The following MFAP5 variants were observed in gnomAD, a reference collection of about 807,000 sequenced individuals.
MFAP5 encodes the protein microfibril associated protein 5, also known as microfibrillar-associated protein 5.
A neutral mutation model predicts 30.1 loss-of-function variants in MFAP5; 19 were observed. The observed-to-expected ratio is 0.63, with a 90% confidence interval of 0.44 to 0.93. MFAP5 has a LOEUF of 0.93. MFAP5 is among the 40% of genes least tolerant of loss of function. MFAP5 has a pLI of 0.00. For missense variants in MFAP5, 210 were observed against 221.3 expected, an observed-to-expected ratio of 0.95 and a Z score of 0.32; for synonymous variants, 92 against 72.9, an observed-to-expected ratio of 1.26 and a Z score of -1.33.
At position 8,648,168 on chromosome 12, in the gene MFAP5, TA is replaced by T. The variant is rs756582294; in HGVS notation, c.444del (p.Arg149GlyfsTer28). 27 of 1,613,754 alleles carry T rather than the reference TA, an allele frequency of 1.7e-5. No individual in the cohort carries two copies. In the African/African-American group the frequency reaches 2.1e-4, roughly 13 times the overall value. Reference sequence around the variant, plus strand: ...AAGTAATTGGAGCGACGGAGTCTCCTAGGGGGCAGACCAGCCATCTGACGGC... The same window carrying T: ...AAGTAATTGGAGCGACGGAGTCTCCTGGGGGCAGACCAGCCATCTGACGGC... ...ELCRQMAGLPPRRLRRSNYFR... is the reference protein window; with the variant it reads ...ELCRQMAGLPXRRLRRSNYFR... On this transcript the variant is annotated frameshift_variant, in exon 10 of 10. Coordinates refer to ENST00000359478, the MANE Select transcript of MFAP5 (RefSeq NM_003480.4). LOFTEE classifies it high-confidence loss of function.
In MFAP5 at chr12:8,650,606, C is replaced by CA. The variant is rs3841565; in HGVS notation, c.248-18dup. ...CCCAGCACTCTGAGGAAGCCCAATA[C>CA]AAAAAAATAAGGAGGTCCAAATAGA... On this transcript the variant is annotated splice_polypyrimidine_tract_variant and intron_variant, in intron 7 of 9. Coordinates refer to ENST00000359478, the MANE Select transcript of MFAP5 (RefSeq NM_003480.4). 60 of 1,606,472 alleles carry CA rather than the reference C, an allele frequency of 3.7e-5. No individual in the cohort carries two copies. The highest frequency in any genetic ancestry group is 4.9e-5 in the Non-Finnish European group (58 of 1,174,804).
rs774166178 is a variant in MFAP5 at position 8,656,262 on chromosome 12, G to GTGTTAGCCAGGA, written c.95-433_95-432insTCCTGGCTAACA. Reference sequence around the variant, plus strand: ...TTTTTAGTAGAGACGGGGTTTCACCGTGGTCTCGATCTCCTGACCTCGTGA... The same window carrying GTGTTAGCCAGGA: ...TTTTTAGTAGAGACGGGGTTTCACCGTGTTAGCCAGGATGGTCTCGATCTCCTGACCTCGTGA... On this transcript the variant is annotated intron_variant, in intron 3 of 9. Transcript: ENST00000359478. Among the ~76,000 whole-genome samples the GTGTTAGCCAGGA allele has an allele frequency of 1.3e-3, 200 of 151,256 alleles. 1 individual carries two copies. The highest frequency in any genetic ancestry group is 2.6e-3 in the Admixed American group (40 of 15,164).
chr12:8,648,455 A>T, intron 9 of MFAP5: 1 of 1,086,608 alleles, frequency 9.2e-7, no homozygotes, highest in Non-Finnish European at 1.2e-6. Flanking sequence ...TATATTTCTG[A>T]GTATTAAAAT....
intron 3 of MFAP5, 91 bp downstream of exon 3, chr12:8,660,772 G>C: frequency 2.1e-6 from 2 of 958,114 alleles, no homozygotes; most frequent in Admixed American, 2.5e-5. Context: ...TTTTGGCAGC[G>C]ATAGATAAGC....
Position 8,647,188 on chromosome 12 carries a change from A to T in MFAP5, c.*903T>A, listed in dbSNP as rs1356213470. The T allele has an allele frequency of 1.3e-5, 2 of 152,200 alleles. No individual in the cohort carries two copies. The highest frequency in any genetic ancestry group is 4.8e-5 in the African/African-American group (2 of 41,456). 9.4% of individuals were successfully genotyped at this position (152,200 alleles called of 1,614,324 possible). ...GATATCCAAAAGCCACTTGCACAAT[A>T]ATTCGACCGTGCACTTGTTAAGTTG... On this transcript the variant is annotated 3_prime_UTR_variant, in exon 10 of 10. Coordinates refer to ENST00000359478, the MANE Select transcript of MFAP5 (RefSeq NM_003480.4).
At chr12:8,653,749 C>A (rs1324044421) in intron 6 of MFAP5, among the ~76,000 whole-genome samples, 1 of 152,098 alleles carries the variant, frequency 6.6e-6, no homozygotes, top group African/African-American at 2.4e-5. Flanking sequence ...ATTTGTCTAT[C>A]TTGTATATTA....
rs1941714413 is a variant in MFAP5 at position 8,647,518 on chromosome 12, T to C, written c.*573A>G. 6.6e-6 allele frequency: 1 copy of C among 152,228 alleles called. No homozygotes were observed. The highest frequency in any genetic ancestry group is 2.4e-5 in the African/African-American group (1 of 41,454). 9.4% of individuals were successfully genotyped at this position (152,228 alleles called of 1,614,324 possible). On this transcript the variant is annotated 3_prime_UTR_variant, in exon 10 of 10. Coordinates refer to ENST00000359478, the MANE Select transcript of MFAP5 (RefSeq NM_003480.4). The stretch of plus-strand genomic sequence containing the variant: ...AGTAGGATTGTATAATTCTTGACTG[T>C]GTTGCAGAATCTTACAGGACTACAA...
Position 8,662,112 on chromosome 12 carries a change from G to A in MFAP5, c.-2-6C>T, listed in dbSNP as rs1402971933. On this transcript the variant is annotated splice_polypyrimidine_tract_variant and splice_region_variant and intron_variant, in intron 1 of 9. Transcript: ENST00000359478. ...GGGTCCCAAGAGCGACATATCTATA[G>A]GGGTGGTGGGCATAGCAGAGAATGT... is the stretch of plus-strand genomic sequence containing the variant. 2 of 1,612,844 alleles carry A rather than the reference G, an allele frequency of 1.2e-6. No homozygotes were observed. The highest frequency in any genetic ancestry group is 1.7e-6 in the Non-Finnish European group (2 of 1,179,722).
chr12:8,660,049 G>T (rs1403836164), intron 3 of MFAP5, among the ~76,000 whole-genome samples: 2 of 152,088 alleles, frequency 1.3e-5, no homozygotes, highest in East Asian at 3.8e-4. Flanking sequence ...TCCTCTAGGG[G>T]TCACAACTTT....
intron 3 of MFAP5, among the ~76,000 whole-genome samples, chr12:8,657,609 G>A (rs35701636): frequency 0.089 from 10,962 of 122,918 alleles, 472 homozygotes; most frequent in Middle Eastern, 0.12. Context: ...TCGCCCTATC[G>A]CCCAGGCTGG....
chr12:8,653,237 C>T (rs1161013012), intron 6 of MFAP5, among the ~76,000 whole-genome samples: 1 of 151,496 alleles, frequency 6.6e-6, no homozygotes, highest in African/African-American at 2.4e-5. Flanking sequence ...TGGATGTCAA[C>T]TCAACAATCC....
At chr12:8,655,917 G>C in intron 3 of MFAP5, 87 bp from the exon 4 acceptor site, 2 of 1,184,942 alleles carry the variant, frequency 1.7e-6, no homozygotes, top group Non-Finnish European at 2.5e-6. Context: ...GCGAAGCATA[G>C]TGCCCAGCGG....
In MFAP5 at chr12:8,649,513, C is replaced by T. The variant is rs866733609; in HGVS notation, c.397G>A (p.Glu133Lys). The change falls in exon 9 of 10, where the codon GAA becomes AAA. Residue 133 changes from glutamate (E) to lysine (K), a missense_variant. Glu to Lys is a moderately conservative substitution (Grantham distance 56). Coordinates refer to ENST00000359478, the MANE Select transcript of MFAP5 (RefSeq NM_003480.4). ...ICSRLVCKEH[E>K]AMKDELCRQM... is the part of the protein sequence containing the mutation. ...GACATCATCTTACCTTTCATAGCTTCGTGTTCCTTACAGACAAGACGAGAG... is the reference window on the plus strand; with the variant it reads ...GACATCATCTTACCTTTCATAGCTTTGTGTTCCTTACAGACAAGACGAGAG... 3.7e-6 allele frequency: 6 copies of T among 1,613,840 alleles called. No homozygotes were observed. Among genetic ancestry groups the T allele is most frequent in the Admixed American group, 1.7e-5 (1 of 60,004 alleles).
chr12:8,650,747 A>G (rs779685795), intron 7 of MFAP5, among the ~76,000 whole-genome samples, 158 bp from the exon 8 acceptor site: 1 of 152,362 alleles, frequency 6.6e-6, no homozygotes, highest in East Asian at 1.9e-4. Context: ...TCCGTCCACC[A>G]AAAACACAGC....
intron 7 of MFAP5, among the ~76,000 whole-genome samples, chr12:8,651,123 C>T (rs924172639): frequency 4.6e-5 from 7 of 151,964 alleles, no homozygotes; most frequent in Admixed American, 2.0e-4. Flanking sequence ...GCCAAGATCA[C>T]GCCACTGCAC....
chr12:8,656,020 G>A (rs1941971797), intron 3 of MFAP5, among the ~76,000 whole-genome samples, 190 bp from the exon 4 acceptor site: 1 of 151,684 alleles, frequency 6.6e-6, no homozygotes, highest in Non-Finnish European at 1.5e-5. Context: ...AAATGAAATC[G>A]GATATACCAA....
intron 9 of MFAP5, among the ~76,000 whole-genome samples, chr12:8,648,931 G>A (rs757534153): frequency 6.6e-6 from 1 of 152,144 alleles, no homozygotes; most frequent in Non-Finnish European, 1.5e-5. Flanking sequence ...TTGGGCCCTC[G>A]TAATTGCCCC....
chr12:8,656,470 C>T (rs1275308544), intron 3 of MFAP5, among the ~76,000 whole-genome samples: 1 of 148,650 alleles, frequency 6.7e-6, no homozygotes, highest in Non-Finnish European at 1.5e-5. Flanking sequence ...AGTGAGTGGC[C>T]AGTCTCGGCT....
intron 3 of MFAP5, chr12:8,658,503 A>C (rs2136478495): frequency 6.6e-6 from 1 of 152,292 alleles, no homozygotes; most frequent in East Asian, 1.9e-4. Flanking sequence ...CCAATCCCAC[A>C]GGATATTTGA....
Sources: allele counts gnomAD v4.1 joint callset (sites outside exome capture counted in the v4.1 genomes callset), GRCh38; gene constraint gnomAD v4.1.1; transcripts MANE v1.5; gene names NCBI Gene and HGNC (gene_info 2026-07-23, HGNC 2026-07-21).